Variants in SFXN1 observed in about 807,000 individuals in gnomAD.
The protein encoded by SFXN1 is sideroflexin-1.
A neutral mutation model predicts 39.5 loss-of-function variants in SFXN1; 32 were observed. That is an observed-to-expected ratio of 0.81 (90% CI 0.61 to 1.09). The LOEUF (loss-of-function observed/expected upper bound fraction) is 1.09. Ranked by LOEUF, SFXN1 falls within the 50% of genes least tolerant of loss-of-function variation. The pLI is 0.00. For synonymous variants in SFXN1, 136 were observed against 146.5 expected, an observed-to-expected ratio of 0.93 and a Z score of 0.52; for missense variants, 402 against 407.1, an observed-to-expected ratio of 0.99 and a Z score of 0.11.
chr5:175,516,653 C>T lies in SFXN1; in HGVS notation c.764C>T (p.Ala255Val), dbSNP rs1222705949. ...ATTATGAACACTTTGGAAAAGAAAG[C>T]CTTTTTGAAGGTAAGCTGTGGTTCT... ...PFIMNTLEKK[A>V]FLKRFPWMSA... Residue 255 changes from alanine to valine, a missense_variant, in exon 8 of 11, where the codon GCC (alanine) becomes GTC (valine). By Grantham distance (64) the Ala-to-Val change is moderately conservative. Transcript: ENST00000321442. 2 of 1,613,048 alleles carry T rather than the reference C, an allele frequency of 1.2e-6. No homozygotes were observed. Among genetic ancestry groups the T allele is most frequent in the Non-Finnish European group, 1.7e-6 (2 of 1,179,538 alleles).
intron 2 of SFXN1, among the ~76,000 whole-genome samples, chr5:175,503,720 T>TG (rs764519526): frequency 5.9e-5 from 9 of 152,130 alleles, no homozygotes; most frequent in Non-Finnish European, 1.2e-4. Context: ...AAAGGAACCC[T>TG]GGCCGGGCGT....
chr5:175,497,829 C>T (rs1759910861), intron 2 of SFXN1, among the ~76,000 whole-genome samples: 1 of 151,116 alleles, frequency 6.6e-6, no homozygotes, highest in Non-Finnish European at 1.5e-5. Flanking sequence ...ACTGGGGAAG[C>T]TGAGGCAGGA....
rs139624460 is a variant in SFXN1, at chr5:175,482,834, C to T, written c.-10+4195C>T. On this transcript the variant is annotated intron_variant, in intron 1 of 10. Transcript: ENST00000321442. The stretch of plus-strand genomic sequence containing the variant: ...AATCTAGATTATATTTGCTTAAATC[C>T]GGTTCTCATTCCATAGGTTATCAGG... Among the ~76,000 whole-genome samples the T allele has an allele frequency of 2.0e-3, 303 of 152,244 alleles. 2 individuals are homozygous for T. Among genetic ancestry groups the T allele is most frequent in the South Asian group, 0.014 (69 of 4,822 alleles).
intron 2 of SFXN1, among the ~76,000 whole-genome samples, chr5:175,495,174 A>G (rs115781732): frequency 0.025 from 3,877 of 152,322 alleles, 168 homozygotes; most frequent in African/African-American, 0.087. Context: ...TCATGAAGAC[A>G]TTATGTTGAG....
intron 10 of SFXN1, among the ~76,000 whole-genome samples, chr5:175,524,609 G>A (rs1761003889): frequency 6.7e-6 from 1 of 150,354 alleles, no homozygotes; most frequent in Non-Finnish European, 1.5e-5. Context: ...TGCACTAAAT[G>A]TCCCAACTTA....
chr5:175,497,176 AC>A (rs1158079653), intron 2 of SFXN1, among the ~76,000 whole-genome samples: 1 of 152,246 alleles, frequency 6.6e-6, no homozygotes, highest in African/African-American at 2.4e-5. Flanking sequence ...GGCGTGAGCC[AC>A]CATGCCTCGC....
chr5:175,521,897 A>C, intron 8 of SFXN1, 22 bp from the exon 9 acceptor site: 1 of 1,584,988 alleles, frequency 6.3e-7, no homozygotes, highest in African/African-American at 1.3e-5. Flanking sequence ...AAGTATTCAA[A>C]GCCATTTATT....
intron 1 of SFXN1, among the ~76,000 whole-genome samples, chr5:175,482,290 C>A (rs1759283850): frequency 6.6e-6 from 1 of 152,172 alleles, no homozygotes; most frequent in Admixed American, 6.5e-5. Flanking sequence ...CAACAGCTTT[C>A]CAGCTTAATA....
chr5:175,524,123 AAAATATATATATATATATATATATATAT>A (rs1291028549), intron 10 of SFXN1: 882 of 25,534 alleles, frequency 0.035, 45 homozygotes, highest in African/African-American at 0.17. Flanking sequence ...AAAAAAAAAA[AAAATATATATATATATATATATATATAT>A]ATATATATAT....
intron 1 of SFXN1, among the ~76,000 whole-genome samples, chr5:175,479,178 T>A (rs1267653467): frequency 6.6e-6 from 1 of 152,242 alleles, no homozygotes; most frequent in Non-Finnish European, 1.5e-5. Flanking sequence ...TAGTAGTTGG[T>A]CCTACAGGGA....
At chr5:175,494,011 A>T (rs1429376985) in intron 2 of SFXN1, among the ~76,000 whole-genome samples, 1 of 152,356 alleles carries the variant, frequency 6.6e-6, no homozygotes, top group Non-Finnish European at 1.5e-5. Context: ...AAAGAAGGGT[A>T]CGAAAAAGAC....
chr5:175,510,947 T>C (rs1760489190), intron 4 of SFXN1, among the ~76,000 whole-genome samples: 1 of 152,238 alleles, frequency 6.6e-6, no homozygotes, highest in Admixed American at 6.5e-5. Flanking sequence ...GAAGAGAGAA[T>C]TGCTTGGGCT....
intron 1 of SFXN1, among the ~76,000 whole-genome samples, chr5:175,489,393 A>C (rs1759573454): frequency 6.6e-6 from 1 of 152,152 alleles, no homozygotes; most frequent in South Asian, 2.1e-4. Flanking sequence ...CACCTGCTTG[A>C]ATTCCCCTGC....
chr5:175,499,824 A>C (rs1413107521), intron 2 of SFXN1, among the ~76,000 whole-genome samples: 2 of 152,166 alleles, frequency 1.3e-5, no homozygotes, highest in African/African-American at 2.4e-5. Flanking sequence ...TTTTTTTTCA[A>C]AAAAGACAAA....
At chr5:175,507,275 T>C (rs1760342849) in intron 2 of SFXN1, among the ~76,000 whole-genome samples, 2 of 152,160 alleles carry the variant, frequency 1.3e-5, no homozygotes, top group Non-Finnish European at 2.9e-5. Context: ...GCATTTGAAC[T>C]AATTGCATCT....
intron 2 of SFXN1, among the ~76,000 whole-genome samples, chr5:175,497,683 C>T (rs1759905975): frequency 6.6e-6 from 1 of 152,106 alleles, no homozygotes; most frequent in African/African-American, 2.4e-5. Flanking sequence ...AATCCCAGCA[C>T]TTTTTGAGGC....
chr5:175,506,828 G>T (rs773650133), intron 2 of SFXN1, among the ~76,000 whole-genome samples: 135 of 152,236 alleles, frequency 8.9e-4, no homozygotes, highest in Non-Finnish European at 1.5e-3. Context: ...CACTGCACTG[G>T]CTAATTTCTG....
At chr5:175,510,300 C>T in intron 4 of SFXN1, 93 bp downstream of exon 4, 3 of 1,005,802 alleles carry the variant, frequency 3.0e-6, no homozygotes, top group Non-Finnish European at 4.5e-6. Context: ...CCTATGTGTG[C>T]ATATTTTTAT....
chr5:175,488,444 A>G (rs1006843446), intron 1 of SFXN1, among the ~76,000 whole-genome samples: 2 of 151,946 alleles, frequency 1.3e-5, no homozygotes, highest in Non-Finnish European at 2.9e-5. Context: ...CTGGGATTAC[A>G]TGCATGCACC....
Sources: gnomAD v4.1 joint callset for allele counts (sites outside exome capture counted in the v4.1 genomes callset) on GRCh38, gnomAD v4.1.1 for gene constraint, MANE v1.5 for transcripts, NCBI Gene and HGNC (gene_info 2026-07-23, HGNC 2026-07-21) for gene names.